NUP153: variants seen among roughly 807,000 people sequenced by gnomAD.
NUP153 encodes the protein nucleoporin 153.
A neutral mutation model predicts 134.6 loss-of-function variants in NUP153; 27 were observed. The ratio of observed to expected loss-of-function variants is 0.20; its 90% confidence interval spans 0.15 to 0.28. The LOEUF is 0.28. Among genes scored for constraint, NUP153 ranks in the 10% least tolerant of loss-of-function variants. NUP153 has a pLI of 1.00. For missense variants in NUP153, 1,821 were observed against 1,731.3 expected, an observed-to-expected ratio of 1.05 and a Z score of -0.92; for synonymous variants, 640 against 623.5, an observed-to-expected ratio of 1.03 and a Z score of -0.40.
chr6:17,685,991 A>T (rs546055006), intron 2 of NUP153, among the ~76,000 whole-genome samples: 4 of 152,058 alleles, frequency 2.6e-5, no homozygotes, highest in South Asian at 2.1e-4. Flanking sequence ...CAAAAAAATT[A>T]AAAAAAATTT....
chr6:17,688,457 C>T lies in NUP153; in HGVS notation c.273G>A (p.Glu91=). 2 of 1,614,152 alleles carry T rather than the reference C, an allele frequency of 1.2e-6. No homozygotes were observed. The highest frequency in any genetic ancestry group is 8.5e-7 in the Non-Finnish European group (1 of 1,180,010). The change falls in exon 2 of 22, where the codon GAG becomes GAA. Residue 91 remains glutamate (E), a synonymous_variant. Coordinates refer to ENST00000262077, the MANE Select transcript of NUP153 (RefSeq NM_005124.4). ...NKEDHLVYAD[E]ESSNITDGRI... ...TCCCATCAGTAATATTAGAGCTCTCCTCATCGGCATATACCAGATGGTCCT... is the reference window on the plus strand; with the variant it reads ...TCCCATCAGTAATATTAGAGCTCTCTTCATCGGCATATACCAGATGGTCCT...
At chr6:17,658,941 G>A (rs1300953430) in intron 11 of NUP153, among the ~76,000 whole-genome samples, 4 of 152,128 alleles carry the variant, frequency 2.6e-5, no homozygotes, top group African/African-American at 9.7e-5. Flanking sequence ...ACAGCTTTCA[G>A]AATCCCAGCG....
intron 16 of NUP153, among the ~76,000 whole-genome samples, chr6:17,634,578 G>A (rs985029247): frequency 2.0e-5 from 3 of 151,838 alleles, no homozygotes; most frequent in East Asian, 1.9e-4. Flanking sequence ...CTGGGATTAC[G>A]GGCATCCACG....
rs1383041618 is a variant in NUP153, at chr6:17,674,995, A to G, written c.762T>C (p.Leu254=). 9.9e-6 allele frequency: 16 copies of G among 1,613,644 alleles called. No individual in the cohort carries two copies. Among genetic ancestry groups the G allele is most frequent in the African/African-American group, 2.7e-5 (2 of 74,892 alleles). The change falls in exon 5 of 22, where the codon CTT becomes CTC. Residue 254 remains leucine (L), a synonymous_variant. Transcript: ENST00000262077. The part of the protein sequence containing the change: ...GNSSILKTSQ[L]GDSPFYPGKT... ...TTCCAGGATAAAAAGGAGAATCTCC[A>G]AGCTGACTGGTTTTAAGGATTGAAG...
intron 1 of NUP153, among the ~76,000 whole-genome samples, chr6:17,699,600 G>A (rs1278309174): frequency 6.6e-6 from 1 of 152,102 alleles, no homozygotes; most frequent in Non-Finnish European, 1.5e-5. Context: ...ACTTTGGGAA[G>A]CCGAGGAGGG....
In NUP153 at chr6:17,661,649, C is replaced by T. The variant is rs1470738436; in HGVS notation, c.1395+4G>A. 6.2e-7 allele frequency: 1 copy of T among 1,613,096 alleles called. No individual in the cohort carries two copies. Among genetic ancestry groups the T allele is most frequent in the South Asian group, 1.1e-5 (1 of 90,972 alleles). ...CTCAAGAGTATATGAGTATACAACC[C>T]TACCTCCTCCTCCAGAGGTTTAGAA... is the stretch of plus-strand genomic sequence containing the variant. On this transcript the variant is annotated splice_donor_region_variant and intron_variant, in intron 11 of 21. Coordinates refer to ENST00000262077, the MANE Select transcript of NUP153 (RefSeq NM_005124.4).
At position 17,683,812 on chromosome 6, in the gene NUP153, C is replaced by T. The variant is rs78539506; in HGVS notation, c.334+4584G>A. Among the ~76,000 whole-genome samples the T allele has an allele frequency of 4.0e-3, 613 of 152,222 alleles. 3 individuals are homozygous for T. Among genetic ancestry groups the T allele is most frequent in the African/African-American group, 0.014 (573 of 41,542 alleles). On this transcript the variant is annotated intron_variant, in intron 2 of 21. Transcript: ENST00000262077. ...CCTAGATGGTATCTTCTTCCAACGG[C>T]GGGCCATGTTTCATCTGAAAATATG... is the stretch of plus-strand genomic sequence containing the variant.
At chr6:17,660,585 T>C (rs1767117181) in intron 11 of NUP153, among the ~76,000 whole-genome samples, 1 of 151,530 alleles carries the variant, frequency 6.6e-6, no homozygotes, top group South Asian at 2.1e-4. Context: ...TTAATATACA[T>C]ATAAGAAATT....
chr6:17,624,289 A>T (rs1764804465), intron 20 of NUP153, among the ~76,000 whole-genome samples: 1 of 152,176 alleles, frequency 6.6e-6, no homozygotes, highest in Admixed American at 6.5e-5. Flanking sequence ...CCAAAAATTC[A>T]AAGTTGAGAA....
At chr6:17,683,546 T>A (rs1287903828) in intron 2 of NUP153, among the ~76,000 whole-genome samples, 7 of 152,230 alleles carry the variant, frequency 4.6e-5, no homozygotes, top group Admixed American at 2.0e-4. Context: ...TCTCAACAAC[T>A]GGCTTAAAAT....
intron 14 of NUP153, among the ~76,000 whole-genome samples, chr6:17,642,460 GCAA>G (rs1765886658): frequency 6.6e-6 from 1 of 152,138 alleles, no homozygotes; most frequent in Non-Finnish European, 1.5e-5. Flanking sequence ...TGAAAAAAAT[GCAA>G]CATCATTTGC....
intron 1 of NUP153, among the ~76,000 whole-genome samples, chr6:17,703,054 C>T (rs917080285): frequency 6.3e-5 from 8 of 127,684 alleles, no homozygotes; most frequent in African/African-American, 2.3e-4. Context: ...AAAAATTAGC[C>T]GGGCGTGGTG....
chr6:17,693,800 C>T (rs550447655), intron 1 of NUP153, among the ~76,000 whole-genome samples: 4 of 152,082 alleles, frequency 2.6e-5, no homozygotes, highest in South Asian at 2.1e-4. Context: ...GCAGAAAAAA[C>T]GCTTGAACCC....
intron 1 of NUP153, among the ~76,000 whole-genome samples, chr6:17,699,481 C>CAAAAA (rs147055009): frequency 5.1e-5 from 5 of 97,554 alleles, no homozygotes; most frequent in African/African-American, 2.1e-4. Context: ...AGACTCGTCT[C>CAAAAA]AAAAAAAAAA....
chr6:17,668,550 A>G lies in NUP153; in HGVS notation c.1068+425T>C, dbSNP rs115934249. 8.8e-3 allele frequency among the ~76,000 whole-genome samples: 1,343 copies of G among 152,150 alleles called. 10 individuals are homozygous for G. Among genetic ancestry groups the G allele is most frequent in the Non-Finnish European group, 0.014 (935 of 67,996 alleles). ...GAGTAAAATGTCCAAGTAGAAGAAT[A>G]CTATTTTTCAGGGTCAGGCACAGTG... On this transcript the variant is annotated intron_variant, in intron 8 of 21. Transcript: ENST00000262077.
rs1351508039 is a variant in NUP153, at chr6:17,628,268, T to C, written c.3544+387A>G. 6.6e-6 allele frequency among the ~76,000 whole-genome samples: 1 copy of C among 152,242 alleles called. No homozygotes were observed. Among genetic ancestry groups the C allele is most frequent in the Non-Finnish European group, 1.5e-5 (1 of 68,048 alleles). ...TTGATGAGGACTGGTTATCTGTAACTATTTGTAAATAAAGGCCTTCCCATA... is the reference window on the plus strand; with the variant it reads ...TTGATGAGGACTGGTTATCTGTAACCATTTGTAAATAAAGGCCTTCCCATA... On this transcript the variant is annotated intron_variant, in intron 18 of 21. Coordinates refer to ENST00000262077, the MANE Select transcript of NUP153 (RefSeq NM_005124.4). This position sits in a 1 kb window ranked among gnomAD's most constrained non-coding sequence, Gnocchi z 5.4.
chr6:17,686,153 AAAAGAAAG>A (rs142756581), intron 2 of NUP153, among the ~76,000 whole-genome samples: 20 of 149,484 alleles, frequency 1.3e-4, no homozygotes, highest in East Asian at 4.0e-4. Flanking sequence ...GTCTTTAAAA[AAAAGAAAG>A]AAAGAAAGAA....
At chr6:17,670,958 G>A (rs4716174) in intron 5 of NUP153, among the ~76,000 whole-genome samples, 67,818 of 151,682 alleles carry the variant, frequency 0.45, 16,021 homozygotes, top group Middle Eastern at 0.75. Flanking sequence ...TTACAGGCAC[G>A]TCCAACTGCA....
chr6:17,635,507 T>C (rs1485688841), intron 16 of NUP153, among the ~76,000 whole-genome samples: 1 of 152,114 alleles, frequency 6.6e-6, no homozygotes, highest in Non-Finnish European at 1.5e-5. Flanking sequence ...GCTCAAGCAA[T>C]CCTCCCACTT....
Sources: allele counts gnomAD v4.1 joint callset (sites outside exome capture counted in the v4.1 genomes callset), GRCh38; gene constraint gnomAD v4.1.1; non-coding constraint Gnocchi (gnomAD v3.1); transcripts MANE v1.5; gene names NCBI Gene and HGNC (gene_info 2026-07-23, HGNC 2026-07-21).